Variants in RB1 observed in about 807,000 individuals in gnomAD.
The protein encoded by RB1 is RB transcriptional corepressor 1.
In RB1, 18 loss-of-function variants were observed where a neutral mutation model predicts 135.4. The ratio of observed to expected loss-of-function variants is 0.13; its 90% CI spans 0.09 to 0.20. The LOEUF (loss-of-function observed/expected upper bound fraction) is 0.20. Among genes scored for constraint, RB1 ranks in the 10% least tolerant of loss-of-function variants. The pLI is 1.00. For synonymous variants in RB1, 365 were observed against 373.2 expected, an observed-to-expected ratio of 0.98 and a Z score of 0.25; for missense variants, 868 against 1,110.0, an observed-to-expected ratio of 0.78 and a Z score of 3.10.
intron 6 of RB1, among the ~76,000 whole-genome samples, chr13:48,356,934 A>G (rs1191334623): frequency 6.6e-6 from 1 of 152,008 alleles, no homozygotes; most frequent in Non-Finnish European, 1.5e-5. Context: ...TGTTTCCCTC[A>G]GGACAATATT....
intron 2 of RB1, chr13:48,317,591 C>A: frequency 2.3e-6 from 1 of 437,778 alleles, no homozygotes; most frequent in Non-Finnish European, 4.0e-6. Flanking sequence ...TGCTCGGCCC[C>A]TCGTGAGCGC....
chr13:48,425,883 C>T (rs1949072345), intron 17 of RB1, among the ~76,000 whole-genome samples: 6 of 152,148 alleles, frequency 3.9e-5, no homozygotes, highest in Admixed American at 3.9e-4. Context: ...GACCAAGAAA[C>T]TAAAATTCAG....
chr13:48,334,703 A>T (rs919234360), intron 2 of RB1, among the ~76,000 whole-genome samples: 3 of 152,196 alleles, frequency 2.0e-5, no homozygotes, highest in African/African-American at 7.2e-5. Context: ...TGATAGTTCC[A>T]GGATGATTTA....
intron 2 of RB1, among the ~76,000 whole-genome samples, chr13:48,338,719 C>T (rs1206841513): frequency 2.0e-5 from 3 of 152,198 alleles, no homozygotes; most frequent in African/African-American, 2.4e-5. Context: ...CCGTTGCTAG[C>T]GAGGAGCTGC....
At chr13:48,344,334 G>T (rs1397995405) in intron 3 of RB1, among the ~76,000 whole-genome samples, 1 of 152,150 alleles carries the variant, frequency 6.6e-6, no homozygotes, top group African/African-American at 2.4e-5. Flanking sequence ...TGACAGGAGG[G>T]TGCCACAGGG....
In RB1 at chr13:48,314,827, C is replaced by T. The variant is rs140233481; in HGVS notation, c.264+7421C>T. ...TAAAATCTATGTATTTAACAAAAAT[C>T]TCTAATACAGTACCATTTTATTTAT... On this transcript the variant is annotated intron_variant, in intron 2 of 26. Coordinates refer to ENST00000267163, the MANE Select transcript of RB1 (RefSeq NM_000321.3). Among the ~76,000 whole-genome samples, 105 of 151,890 alleles carry T rather than the reference C, an allele frequency of 6.9e-4. 1 individual carries two copies. The East Asian group carries it at 0.019, about 27-fold the overall frequency.
intron 19 of RB1, among the ~76,000 whole-genome samples, chr13:48,459,353 A>G (rs1013924132): frequency 1.3e-5 from 2 of 152,206 alleles, no homozygotes; most frequent in Non-Finnish European, 1.5e-5. Flanking sequence ...TGAAGCCTCC[A>G]TAAAAACTCA....
intron 17 of RB1, chr13:48,412,208 G>A: frequency 1.2e-6 from 2 of 1,613,940 alleles, no homozygotes; most frequent in Non-Finnish European, 1.7e-6. Flanking sequence ...AAAAAATCCT[G>A]AAGGGTAAAG....
In RB1 at chr13:48,380,158, C is replaced by A. The variant is rs1419123438; in HGVS notation, c.1422-7C>A. On this transcript the variant is annotated splice_region_variant and splice_polypyrimidine_tract_variant and intron_variant, in intron 15 of 26. Coordinates refer to ENST00000267163, the MANE Select transcript of RB1 (RefSeq NM_000321.3). ...AGTATTTTATAATCTTTTTTTTTTT[C>A]CTTTAGCAAACTTCTGAATGACAAC... The A allele has an allele frequency of 6.7e-7, 1 of 1,501,298 alleles. No individual in the cohort carries two copies. The highest frequency in any genetic ancestry group is 1.3e-5 in the South Asian group (1 of 76,142). 93.0% of individuals were successfully genotyped at this position (1,501,298 alleles called of 1,614,324 possible).
chr13:48,374,197 G>A lies in RB1; in HGVS notation c.1215+705G>A, dbSNP rs118124878. On this transcript the variant is annotated intron_variant, in intron 12 of 26. Coordinates refer to ENST00000267163, the MANE Select transcript of RB1 (RefSeq NM_000321.3). Reference sequence around the variant, plus strand: ...GCATTATAGTTTGCAACTCCTGATAGACAATAAGTTTAATATCTGAAGGCA... The same window carrying A: ...GCATTATAGTTTGCAACTCCTGATAAACAATAAGTTTAATATCTGAAGGCA... 2.6e-5 allele frequency among the ~76,000 whole-genome samples: 4 copies of A among 152,132 alleles called. No homozygotes were observed. In the East Asian group the frequency reaches 7.7e-4, roughly 29 times the overall value.
chr13:48,337,875 G>A (rs1431330062), intron 2 of RB1, among the ~76,000 whole-genome samples: 3 of 152,276 alleles, frequency 2.0e-5, no homozygotes, highest in Admixed American at 2.0e-4. Flanking sequence ...GGCAGGCCTG[G>A]TGGTGACAAA....
chr13:48,311,757 A>T (rs1952132379), intron 2 of RB1, among the ~76,000 whole-genome samples: 1 of 152,174 alleles, frequency 6.6e-6, no homozygotes, highest in African/African-American at 2.4e-5. Context: ...CCCAGGCTGG[A>T]GTGCGTGGCA....
At chr13:48,479,638 T>G (rs537434439) in intron 26 of RB1, among the ~76,000 whole-genome samples, 2 of 151,982 alleles carry the variant, frequency 1.3e-5, no homozygotes, top group Admixed American at 1.3e-4. Flanking sequence ...ACTGTTTTTT[T>G]GGGGGGTGGG....
chr13:48,357,043 A>T (rs1952598435), intron 6 of RB1, among the ~76,000 whole-genome samples: 1 of 150,794 alleles, frequency 6.6e-6, no homozygotes, highest in African/African-American at 2.4e-5. Context: ...GAGGTTTAAT[A>T]CCTTAAACAG....
At chr13:48,416,083 A>C (rs955025862) in intron 17 of RB1, among the ~76,000 whole-genome samples, 3 of 152,198 alleles carry the variant, frequency 2.0e-5, no homozygotes, top group African/African-American at 2.4e-5. Flanking sequence ...GAATCAACTT[A>C]TTTCTTATAT....
chr13:48,360,192 G>A, intron 7 of RB1, 65 bp downstream of exon 7: 13 of 1,601,104 alleles, frequency 8.1e-6, no homozygotes, highest in Non-Finnish European at 1.1e-5. Flanking sequence ...ATGTCTAGTG[G>A]GTACCAAACA....
intron 2 of RB1, among the ~76,000 whole-genome samples, chr13:48,338,173 C>T (rs543578777): frequency 7.9e-5 from 12 of 152,100 alleles, no homozygotes; most frequent in Admixed American, 7.9e-4. Flanking sequence ...TTGCTCTTCT[C>T]GAGGAGTATC....
chr13:48,335,379 G>T lies in RB1; in HGVS notation c.265-7220G>T, dbSNP rs560899972. Among the ~76,000 whole-genome samples the T allele has an allele frequency of 5.9e-5, 9 of 151,804 alleles. No individual in the cohort carries two copies. The South Asian group carries it at 1.7e-3, about 28-fold the overall frequency. ...AATCTTTTTTTAATTTTTAAGTTTT[G>T]TGGGTACATATCAAGTGTACACATT... On this transcript the variant is annotated intron_variant, in intron 2 of 26. Coordinates refer to ENST00000267163, the MANE Select transcript of RB1 (RefSeq NM_000321.3).
At chr13:48,431,809 C>T (rs952654939) in intron 17 of RB1, among the ~76,000 whole-genome samples, 2 of 152,106 alleles carry the variant, frequency 1.3e-5, no homozygotes, top group African/African-American at 4.8e-5. Flanking sequence ...TTTGCCCTGG[C>T]CATATAAATA....
Sources: allele counts gnomAD v4.1 joint callset (sites outside exome capture counted in the v4.1 genomes callset), GRCh38; gene constraint gnomAD v4.1.1; transcripts MANE v1.5; gene names NCBI Gene and HGNC (gene_info 2026-07-23, HGNC 2026-07-21).